The following LEF1 variants were observed in gnomAD, a reference collection of about 807,000 sequenced individuals.
The protein encoded by LEF1 is lymphoid enhancer-binding factor 1.
Under a neutral mutation model 51.2 loss-of-function variants are expected in LEF1, and 14 were observed. The ratio of observed to expected loss-of-function variants is 0.27; its 90% CI spans 0.18 to 0.43. The LOEUF (loss-of-function observed/expected upper bound fraction) is 0.43. Among genes scored for constraint, LEF1 ranks in the 20% least tolerant of loss-of-function variants. LEF1 has a pLI of 1.00. For synonymous variants in LEF1, 185 were observed against 183.2 expected (o/e 1.01, Z -0.08); for missense variants, 386 against 512.0 (o/e 0.75, Z 2.37).
At chr4:108,155,419 C>T (rs1207938306) in intron 3 of LEF1, among the ~76,000 whole-genome samples, 2 of 152,148 alleles carry the variant, frequency 1.3e-5, no homozygotes, top group Admixed American at 6.5e-5. Flanking sequence ...CGATGACATT[C>T]CCCTGAATTT....
At chr4:108,137,617 G>A (rs1304901537) in intron 3 of LEF1, among the ~76,000 whole-genome samples, 2 of 152,162 alleles carry the variant, frequency 1.3e-5, no homozygotes, top group African/African-American at 2.4e-5. Context: ...TTACTTTGCT[G>A]TCCAGAGTCT....
chr4:108,154,443 CAAAAAAAAA>C (rs10672899), intron 3 of LEF1, among the ~76,000 whole-genome samples: 4 of 71,990 alleles, frequency 5.6e-5, no homozygotes, highest in African/African-American at 1.1e-4. Flanking sequence ...AAGGTAGTAG[CAAAAAAAAA>C]AAAAAAAAAA....
At chr4:108,109,441 C>T (rs889977891) in intron 3 of LEF1, among the ~76,000 whole-genome samples, 25 of 152,180 alleles carry the variant, frequency 1.6e-4, no homozygotes, top group Non-Finnish European at 5.9e-5. Context: ...CTGTCACTTA[C>T]CAACTGGGTG....
intron 8 of LEF1, among the ~76,000 whole-genome samples, chr4:108,073,703 A>T (rs1738645018): frequency 3.9e-5 from 6 of 152,206 alleles, no homozygotes; most frequent in Admixed American, 3.9e-4. Flanking sequence ...TTTCAGTTAA[A>T]ACAAGAAACA....
chr4:108,107,704 T>C (rs1352328978), intron 3 of LEF1, among the ~76,000 whole-genome samples: 1 of 152,184 alleles, frequency 6.6e-6, no homozygotes, highest in Non-Finnish European at 1.5e-5. Context: ...ATTTTAGCTC[T>C]TCTGAAGGAC....
chr4:108,165,713 C>T (rs1560836710), intron 1 of LEF1, among the ~76,000 whole-genome samples: 1 of 152,220 alleles, frequency 6.6e-6, no homozygotes, highest in Non-Finnish European at 1.5e-5. Context: ...CTATGGCTGG[C>T]TGAGTGCAGG....
chr4:108,125,625 T>C (rs545777067), intron 3 of LEF1, among the ~76,000 whole-genome samples: 1 of 152,316 alleles, frequency 6.6e-6, no homozygotes, highest in African/African-American at 2.4e-5. Context: ...GATATGTACA[T>C]ATTGCTGATA....
Position 108,075,797 on chromosome 4 carries a change from A to G in LEF1, c.1008+2423T>C, listed in dbSNP as rs557102827. Among the ~76,000 whole-genome samples, 22 of 152,292 alleles carry G rather than the reference A, an allele frequency of 1.4e-4. No homozygotes were observed. In the East Asian group the frequency reaches 4.2e-3, roughly 29 times the overall value. ...TGGTACATAACAGGGGCTCAGAAAA[A>G]TATCATAGCATTGGTGAAAGAATGA... On this transcript the variant is annotated intron_variant, in intron 8 of 11. Transcript: ENST00000265165.
chr4:108,090,283 A>G (rs936128398), intron 3 of LEF1, among the ~76,000 whole-genome samples: 1 of 151,910 alleles, frequency 6.6e-6, no homozygotes, highest in African/African-American at 2.4e-5. Context: ...CAGCTGAAAT[A>G]CTGCTTTAAT....
chr4:108,093,175 A>G (rs1456959241), intron 3 of LEF1, among the ~76,000 whole-genome samples: 1 of 152,178 alleles, frequency 6.6e-6, no homozygotes, highest in Non-Finnish European at 1.5e-5. Context: ...ACTACTGTAT[A>G]AAATAGTACA....
At chr4:108,089,334 A>G in intron 3 of LEF1, 77 bp from the exon 4 acceptor site, 1 of 1,477,524 alleles carries the variant, frequency 6.8e-7, no homozygotes, top group Non-Finnish European at 9.2e-7. Context: ...AAAAATTCAC[A>G]CAGCAGCAGT....
At chr4:108,166,356 A>C in intron 1 of LEF1, 1 of 1,505,292 alleles carries the variant, frequency 6.6e-7, no homozygotes, top group Non-Finnish European at 8.8e-7. Flanking sequence ...CCTCAAAACC[A>C]CACACTTTCT....
chr4:108,104,663 T>A (rs563495284), intron 3 of LEF1: 41 of 983,926 alleles, frequency 4.2e-5, no homozygotes, highest in Middle Eastern at 5.2e-4. Flanking sequence ...ACCCAAACTA[T>A]CGTATGAAGG....
At chr4:108,139,591 A>C (rs1350807706) in intron 3 of LEF1, among the ~76,000 whole-genome samples, 1 of 152,152 alleles carries the variant, frequency 6.6e-6, no homozygotes, top group African/African-American at 2.4e-5. Flanking sequence ...CCCTGCTGGC[A>C]TTAGCTCAGG....
intron 3 of LEF1, among the ~76,000 whole-genome samples, chr4:108,147,380 T>C (rs1336140252): frequency 6.6e-6 from 1 of 152,186 alleles, no homozygotes. Context: ...ACATCTCAGA[T>C]AGCCCTGAAT....
chr4:108,108,894 G>C (rs1741347028), intron 3 of LEF1, among the ~76,000 whole-genome samples: 1 of 152,148 alleles, frequency 6.6e-6, no homozygotes, highest in Non-Finnish European at 1.5e-5. Flanking sequence ...CGTACAAATA[G>C]AGTTGACTTA....
At chr4:108,128,742 A>C (rs1742694591) in intron 3 of LEF1, among the ~76,000 whole-genome samples, 1 of 152,194 alleles carries the variant, frequency 6.6e-6, no homozygotes, top group Non-Finnish European at 1.5e-5. Context: ...GGTAAGACTA[A>C]AAAATGTACA....
intron 3 of LEF1, among the ~76,000 whole-genome samples, chr4:108,130,564 CAA>C (rs113815125): frequency 2.5e-3 from 250 of 98,734 alleles, no homozygotes; most frequent in African/African-American, 7.7e-3. Flanking sequence ...ACTAAAAATA[CAA>C]AAAAAAAAAA....
At chr4:108,084,248 A>T (rs1739499660) in intron 4 of LEF1, among the ~76,000 whole-genome samples, 1 of 152,254 alleles carries the variant, frequency 6.6e-6, no homozygotes, top group Non-Finnish European at 1.5e-5. Context: ...AATGTAAAAT[A>T]TAACAACTTA....
Sources: allele counts gnomAD v4.1 joint callset (sites outside exome capture counted in the v4.1 genomes callset), GRCh38; gene constraint gnomAD v4.1.1; transcripts MANE v1.5; gene names NCBI Gene and HGNC (gene_info 2026-07-23, HGNC 2026-07-21).